NCAPG2: variants seen among roughly 807,000 people sequenced by gnomAD.
The protein encoded by NCAPG2 is condensin-2 complex subunit G2.
In NCAPG2, 53 loss-of-function variants were observed where a neutral mutation model predicts 141.1. That is an observed-to-expected ratio of 0.38 (90% CI 0.30 to 0.47). The LOEUF is 0.47. NCAPG2 is among the 20% of genes least tolerant of loss of function. NCAPG2 has a pLI of 0.99. For missense variants in NCAPG2, 1,087 were observed against 1,389.0 expected (o/e 0.78, Z 3.46); for synonymous variants, 499 against 490.7 (o/e 1.02, Z -0.22).
intron 11 of NCAPG2, among the ~76,000 whole-genome samples, chr7:158,678,261 T>C (rs1277339970): frequency 6.6e-6 from 1 of 152,206 alleles, no homozygotes; most frequent in African/African-American, 2.4e-5. Flanking sequence ...CTCCTCATGA[T>C]AGAGCCTAAT....
chr7:158,643,459 G>A, intron 27 of NCAPG2, among the ~76,000 whole-genome samples: 1 of 152,202 alleles, frequency 6.6e-6, no homozygotes, highest in Non-Finnish European at 1.5e-5. Context: ...TACAGGCATT[G>A]AGTTACTGCG....
chr7:158,690,850 T>G, intron 4 of NCAPG2, 128 bp from the exon 5 acceptor site: 1 of 805,814 alleles, frequency 1.2e-6, no homozygotes, highest in South Asian at 2.5e-5. Flanking sequence ...TTAGTTATGT[T>G]TAACTTGCCA....
chr7:158,675,982 G>A (rs925187693), intron 11 of NCAPG2, among the ~76,000 whole-genome samples: 12 of 152,110 alleles, frequency 7.9e-5, no homozygotes, highest in East Asian at 3.8e-4. Flanking sequence ...CGTACACCAC[G>A]CTTTTGAATT....
chr7:158,636,132 G>A (rs910852656), intron 27 of NCAPG2, among the ~76,000 whole-genome samples: 1 of 152,108 alleles, frequency 6.6e-6, no homozygotes, highest in Non-Finnish European at 1.5e-5. Flanking sequence ...AGAGGGGATG[G>A]CATGCAGGTG....
At position 158,675,481 on chromosome 7, in the gene NCAPG2, A is replaced by G; in HGVS notation, c.1322T>C (p.Phe441Ser). Residue 441 changes from phenylalanine (F) to serine (S), a missense_variant, in exon 12 of 28, where the codon TTT becomes TCT. By Grantham distance (155) the Phe-to-Ser change is radical. Transcript: ENST00000356309. The stretch of plus-strand genomic sequence containing the variant: ...ACATAATTTAAAAAATCTTACCTTA[A>G]AGACAGAACAACGAACATCAGCTGA... ...TSSADVRCSVFKCLPMILDNK... is the reference protein window; with the variant it reads ...TSSADVRCSVSKCLPMILDNK... 1 of 1,590,408 alleles carries G rather than the reference A, an allele frequency of 6.3e-7. No individual in the cohort carries two copies. Among genetic ancestry groups the G allele is most frequent in the Non-Finnish European group, 8.5e-7 (1 of 1,174,144 alleles).
In NCAPG2 at chr7:158,650,977, A is replaced by G. The variant is rs1357883800; in HGVS notation, c.2935-5T>C. 6.4e-7 allele frequency: 1 copy of G among 1,567,020 alleles called. No homozygotes were observed. Among genetic ancestry groups the G allele is most frequent in the Non-Finnish European group, 8.6e-7 (1 of 1,164,236 alleles). On this transcript the variant is annotated splice_region_variant and splice_polypyrimidine_tract_variant and intron_variant, in intron 23 of 27. Coordinates refer to ENST00000356309, the MANE Select transcript of NCAPG2 (RefSeq NM_017760.7). ...CCTCTGAACAGAATAAAGCAGCTAC[A>G]AGAAAACACATACGTCACTTTTAAT...
chr7:158,690,449 G>A, intron 5 of NCAPG2, 119 bp downstream of exon 5: 1 of 939,418 alleles, frequency 1.1e-6, no homozygotes, highest in Non-Finnish European at 1.6e-6. Context: ...AGAGGCTGAG[G>A]CAGGAGGATT....
rs557371482 is a variant in NCAPG2, at chr7:158,686,726, A to G, written c.768-485T>C. ...ATATGAAAAAGCAATCTAGTATACA[A>G]CAGGAGCTTTGCAATCAGAGATCCA... is the stretch of plus-strand genomic sequence containing the variant. On this transcript the variant is annotated intron_variant, in intron 7 of 27. Coordinates refer to ENST00000356309, the MANE Select transcript of NCAPG2 (RefSeq NM_017760.7). 1.1e-3 allele frequency among the ~76,000 whole-genome samples: 164 copies of G among 152,332 alleles called. 2 individuals carry two copies. The highest frequency in any genetic ancestry group is 3.8e-3 in the African/African-American group (158 of 41,578).
chr7:158,668,651 T>A (rs1479968361), intron 13 of NCAPG2, among the ~76,000 whole-genome samples: 2 of 152,208 alleles, frequency 1.3e-5, no homozygotes, highest in Non-Finnish European at 2.9e-5. Flanking sequence ...TCTCTCTGCT[T>A]TTATATATGT....
At chr7:158,692,703 T>C in intron 4 of NCAPG2, 139 bp downstream of exon 4, 1 of 665,930 alleles carries the variant, frequency 1.5e-6, no homozygotes, top group Non-Finnish European at 2.6e-6. Flanking sequence ...ATCGCGCCAT[T>C]GCACTCCTGC....
rs117940767 is a variant in NCAPG2 at position 158,636,940 on chromosome 7, C to T, written c.3381-5223G>A. Reference sequence around the variant, plus strand: ...CTAAGGCCAATAGTCTATTGGGTTTCCTCTTCTTCTTCTTCTTTTTTTTTT... The same window carrying T: ...CTAAGGCCAATAGTCTATTGGGTTTTCTCTTCTTCTTCTTCTTTTTTTTTT... On this transcript the variant is annotated intron_variant, in intron 27 of 27. Coordinates refer to ENST00000356309, the MANE Select transcript of NCAPG2 (RefSeq NM_017760.7). Among the ~76,000 whole-genome samples the T allele has an allele frequency of 7.4e-3, 1,128 of 151,914 alleles. 5 individuals are homozygous for T. Among genetic ancestry groups the T allele is most frequent in the Non-Finnish European group, 0.011 (746 of 67,920 alleles).
At chr7:158,679,925 T>C (rs1834340987) in intron 11 of NCAPG2, 35 bp downstream of exon 11, 5 of 1,609,772 alleles carry the variant, frequency 3.1e-6, no homozygotes, top group Non-Finnish European at 4.2e-6. Flanking sequence ...ACAAAGCTGA[T>C]ATCTGTAAGA....
intron 13 of NCAPG2, chr7:158,665,314 C>G (rs1832833007): frequency 6.5e-6 from 1 of 153,228 alleles, no homozygotes; most frequent in African/African-American, 2.4e-5. Context: ...CTCCAGACAA[C>G]CTGCAAAAAT....
intron 27 of NCAPG2, chr7:158,641,170 C>G: frequency 4.2e-6 from 1 of 239,894 alleles, no homozygotes; most frequent in Non-Finnish European, 7.9e-6. Context: ...AAAACGGCAT[C>G]ATAAAATGTT....
intron 27 of NCAPG2, 27 bp from the exon 28 acceptor site, chr7:158,631,744 G>C: frequency 6.5e-7 from 1 of 1,546,858 alleles, no homozygotes; most frequent in Non-Finnish European, 8.9e-7. Flanking sequence ...GAAATATTTA[G>C]CTACAGAAAA....
chr7:158,693,456 A>G lies in NCAPG2; in HGVS notation c.120T>C (p.Asp40=). 1 of 1,613,946 alleles carries G rather than the reference A, an allele frequency of 6.2e-7. No individual in the cohort carries two copies. The highest frequency in any genetic ancestry group is 8.5e-7 in the Non-Finnish European group (1 of 1,179,900). ...CTTCTTTCTGTTTCCTTGATAATTCATCTAGTAATTCATTTAGGCTGAAAG... is the reference window on the plus strand; with the variant it reads ...CTTCTTTCTGTTTCCTTGATAATTCGTCTAGTAATTCATTTAGGCTGAAAG... The part of the protein sequence containing the change: ...SDPFSLNELL[D]ELSRKQKEEL... The change falls in exon 3 of 28, where the codon GAT becomes GAC. Residue 40 remains aspartate (D), a synonymous_variant. Transcript: ENST00000356309.
At chr7:158,640,183 A>G (rs1830548199) in intron 27 of NCAPG2, 1 of 152,234 alleles carries the variant, frequency 6.6e-6, no homozygotes, top group Admixed American at 6.5e-5. Flanking sequence ...ACTGAGGAGC[A>G]AAAAAGAATT....
At chr7:158,688,143 A>G (rs1834886734) in intron 6 of NCAPG2, among the ~76,000 whole-genome samples, 1 of 151,042 alleles carries the variant, frequency 6.6e-6, no homozygotes. Flanking sequence ...ATTTTGATTC[A>G]AATGCAGGGT....
At chr7:158,677,424 A>G (rs550329783) in intron 11 of NCAPG2, among the ~76,000 whole-genome samples, 2 of 151,872 alleles carry the variant, frequency 1.3e-5, no homozygotes, top group South Asian at 4.2e-4. Flanking sequence ...CCTGCTAACT[A>G]CCTTACCAAC....
Sources: gnomAD v4.1 joint callset for allele counts (sites outside exome capture counted in the v4.1 genomes callset) on GRCh38, gnomAD v4.1.1 for gene constraint, MANE v1.5 for transcripts, NCBI Gene and HGNC (gene_info 2026-07-23, HGNC 2026-07-21) for gene names.